ABTB3: variants seen among roughly 807,000 people sequenced by gnomAD.
ABTB3 encodes ankyrin repeat- and BTB/POZ domain-containing protein 3.
chr12:107,439,383 T>G, the ABTB3 span, among the ~76,000 whole-genome samples: 1 of 152,224 alleles, frequency 6.6e-6, no homozygotes, highest in Non-Finnish European at 1.5e-5. Context: ...GGCAGGCATC[T>G]ACAGGTCAGA....
the ABTB3 span, among the ~76,000 whole-genome samples, chr12:107,331,651 T>C: frequency 6.6e-6 from 1 of 152,114 alleles, no homozygotes; most frequent in African/African-American, 2.4e-5. Context: ...CACAGGTGAT[T>C]GGAGCTCCTC....
the ABTB3 span, among the ~76,000 whole-genome samples, chr12:107,409,256 A>G: frequency 6.6e-6 from 1 of 152,246 alleles, no homozygotes; most frequent in Admixed American, 6.5e-5. Context: ...AGAACCAGCT[A>G]TGTAGTTTGC....
At chr12:107,599,918 T>C in the ABTB3 span, among the ~76,000 whole-genome samples, 1 of 152,164 alleles carries the variant, frequency 6.6e-6, no homozygotes, top group Non-Finnish European at 1.5e-5. Context: ...GGATCCCCAG[T>C]GTGTGGCACA....
At chr12:107,519,400 A>T in the ABTB3 span, among the ~76,000 whole-genome samples, 1 of 145,262 alleles carries the variant, frequency 6.9e-6, no homozygotes, top group Non-Finnish European at 1.5e-5. Flanking sequence ...TCGGCTCATC[A>T]CAGCCTCTGC....
the ABTB3 span, among the ~76,000 whole-genome samples, chr12:107,352,104 G>C: frequency 6.6e-6 from 1 of 152,178 alleles, no homozygotes; most frequent in African/African-American, 2.4e-5. Flanking sequence ...AGAGCTTGGA[G>C]TCTAGGGGAG....
chr12:107,547,261 G>C, the ABTB3 span, among the ~76,000 whole-genome samples: 2,268 of 152,076 alleles, frequency 0.015, 24 homozygotes, highest in Non-Finnish European at 0.021. Context: ...GGAAGAAGAA[G>C]AACAACAACA....
At chr12:107,620,396 A>G in the ABTB3 span, among the ~76,000 whole-genome samples, 1 of 152,182 alleles carries the variant, frequency 6.6e-6, no homozygotes, top group African/African-American at 2.4e-5. Flanking sequence ...GACTGCTTAG[A>G]TATCTTCTAA....
chr12:107,416,288 G>A, the ABTB3 span, among the ~76,000 whole-genome samples: 16 of 152,230 alleles, frequency 1.1e-4, no homozygotes, highest in Middle Eastern at 3.4e-3. Context: ...TATTGAACAC[G>A]TATGCTCTTC....
chr12:107,533,602 A>G, the ABTB3 span, among the ~76,000 whole-genome samples: 2 of 152,238 alleles, frequency 1.3e-5, no homozygotes, highest in African/African-American at 2.4e-5. Flanking sequence ...ATATGTACCC[A>G]ACACCAGAGC....
the ABTB3 span, among the ~76,000 whole-genome samples, chr12:107,322,799 C>T: frequency 0.09 from 13,586 of 151,374 alleles, 933 homozygotes; most frequent in East Asian, 0.29. Flanking sequence ...CTCCAGAGTC[C>T]GTACTCTTAA....
the ABTB3 span, chr12:107,657,745 G>A: frequency 5.6e-6 from 9 of 1,609,482 alleles, no homozygotes; most frequent in South Asian, 2.2e-5. Context: ...AATGCTTCCC[G>A]GGAACTTTCC....
At chr12:107,644,972 C>CTTTTTTTTT in the ABTB3 span, among the ~76,000 whole-genome samples, 39 of 127,184 alleles carry the variant, frequency 3.1e-4, 1 homozygote, top group East Asian at 4.4e-4. Context: ...TCAAAATTCA[C>CTTTTTTTTT]TTTTTTTTTT....
At chr12:107,446,518 G>A in the ABTB3 span, among the ~76,000 whole-genome samples, 1 of 152,090 alleles carries the variant, frequency 6.6e-6, no homozygotes, top group East Asian at 1.9e-4. Flanking sequence ...ACACACTTAA[G>A]GACCAGGGTC....
At chr12:107,610,367 G>A in the ABTB3 span, 15 of 1,613,506 alleles carry the variant, frequency 9.3e-6, no homozygotes, top group Non-Finnish European at 1.2e-5. Flanking sequence ...TACAGGGTCC[G>A]AGGGTCTGAA....
At chr12:107,546,460 G>A in the ABTB3 span, among the ~76,000 whole-genome samples, 1 of 152,178 alleles carries the variant, frequency 6.6e-6, no homozygotes, top group Admixed American at 6.5e-5. Context: ...TCTCCAGCTG[G>A]TCAGCAGGTC....
chr12:107,530,910 T>C, the ABTB3 span, among the ~76,000 whole-genome samples: 1 of 152,212 alleles, frequency 6.6e-6, no homozygotes, highest in African/African-American at 2.4e-5. Context: ...GTACCTTTGC[T>C]ACATAATGCT....
At chr12:107,420,514 C>G in the ABTB3 span, among the ~76,000 whole-genome samples, 16 of 152,256 alleles carry the variant, frequency 1.1e-4, no homozygotes, top group African/African-American at 3.6e-4. Context: ...GAGAACAGCA[C>G]GGGTAAAACC....
chr12:107,583,097 T>C, the ABTB3 span, among the ~76,000 whole-genome samples: 7 of 152,340 alleles, frequency 4.6e-5, no homozygotes, highest in East Asian at 1.4e-3. Context: ...TTAACCTCTC[T>C]GGACCTTAGT....
At chr12:107,563,785 G>A in the ABTB3 span, among the ~76,000 whole-genome samples, 4 of 152,136 alleles carry the variant, frequency 2.6e-5, no homozygotes, top group South Asian at 2.1e-4. Context: ...GCCAAGACAG[G>A]GAGAGATGAA....
Sources: gnomAD v4.1 joint callset for allele counts (sites outside exome capture counted in the v4.1 genomes callset) on GRCh38, gnomAD v4.1.1 for gene constraint, MANE v1.5 for transcripts, NCBI Gene and HGNC (gene_info 2026-07-23, HGNC 2026-07-21) for gene names.